PGGT1B: variants seen among roughly 807,000 people sequenced by gnomAD.
The protein encoded by PGGT1B is protein geranylgeranyltransferase type I subunit beta, also known as geranylgeranyl transferase type-1 subunit beta.
PGGT1B carries 30 observed loss-of-function variants against 46.1 expected under a neutral mutation model. The ratio of observed to expected loss-of-function variants is 0.65; its 90% confidence interval spans 0.49 to 0.88. PGGT1B has a LOEUF of 0.88. PGGT1B is among the 40% of genes least tolerant of loss of function. PGGT1B has a pLI of 0.00. For synonymous variants in PGGT1B, 170 were observed against 160.0 expected, an observed-to-expected ratio of 1.06 and a Z score of -0.47; for missense variants, 376 against 455.9, an observed-to-expected ratio of 0.82 and a Z score of 1.60.
At chr5:115,247,007 A>G (rs1218673734) in intron 2 of PGGT1B, among the ~76,000 whole-genome samples, 1 of 152,068 alleles carries the variant, frequency 6.6e-6, no homozygotes, top group Non-Finnish European at 1.5e-5. Flanking sequence ...GTGTTATTAG[A>G]AAATATAATG....
At chr5:115,244,530 C>T (rs2127019637) in intron 2 of PGGT1B, among the ~76,000 whole-genome samples, 1 of 133,366 alleles carries the variant, frequency 7.5e-6, no homozygotes, top group East Asian at 2.3e-4. Context: ...CCAAATTGTA[C>T]ATAATGCTAT....
At chr5:115,237,391 C>T (rs1056328471) in intron 4 of PGGT1B, among the ~76,000 whole-genome samples, 2 of 152,040 alleles carry the variant, frequency 1.3e-5, no homozygotes, top group Non-Finnish European at 2.9e-5. Context: ...ATGTGAATCA[C>T]CAAATATCAA....
chr5:115,220,949 AT>A, intron 7 of PGGT1B, among the ~76,000 whole-genome samples: 1 of 152,002 alleles, frequency 6.6e-6, no homozygotes, highest in Non-Finnish European at 1.5e-5. Context: ...AGACTGGTTG[AT>A]GGACACATGG....
rs775683904 is a variant in PGGT1B, at chr5:115,262,869, G to C, written c.-18C>G. ...GCCGCCATGCTGCTCCGGAAGCGAC[G>C]TCCGCCGCGACCCGGAATCAGTGCC... On this transcript the variant is annotated 5_prime_UTR_variant, in exon 1 of 9. Transcript: ENST00000419445. The C allele has an allele frequency of 6.2e-6, 10 of 1,610,836 alleles. No individual in the cohort carries two copies. Among genetic ancestry groups the C allele is most frequent in the Non-Finnish European group, 8.5e-7 (1 of 1,179,202 alleles).
rs770806530 is a variant in PGGT1B at position 115,253,126 on chromosome 5, AACTC to A, written c.259+7_259+10del. The A allele has an allele frequency of 2.5e-6, 4 of 1,597,970 alleles. No individual in the cohort carries two copies. The highest frequency in any genetic ancestry group is 3.4e-6 in the Non-Finnish European group (4 of 1,174,552). ...GTCACACTAAAAATAAAATGCTAAA[AACTC>A]ACTCACTGTCTTCTGTGGGAAGGAC... On this transcript the variant is annotated splice_region_variant and intron_variant, in intron 2 of 8. Coordinates refer to ENST00000419445, the MANE Select transcript of PGGT1B (RefSeq NM_005023.4).
rs17132480 is a variant in PGGT1B, at chr5:115,210,419, G to T, written c.*1983C>A. 1 of 152,010 alleles carries T rather than the reference G, an allele frequency of 6.6e-6. No homozygotes were observed. The highest frequency in any genetic ancestry group is 2.1e-4 in the South Asian group (1 of 4,832). 9.4% of individuals were successfully genotyped at this position (152,010 alleles called of 1,614,324 possible). On this transcript the variant is annotated 3_prime_UTR_variant, in exon 9 of 9. Transcript: ENST00000419445. ...ATAGTTTCTCCACAATTCACACTGG[G>T]CTGCTATTTTCTGGTCAATTCAGTT...
intron 2 of PGGT1B, among the ~76,000 whole-genome samples, chr5:115,249,175 T>A (rs1580775456): frequency 6.6e-6 from 1 of 152,130 alleles, no homozygotes; most frequent in East Asian, 1.9e-4. Flanking sequence ...TTTCTATGTA[T>A]CCTTTCTGAG....
intron 8 of PGGT1B, among the ~76,000 whole-genome samples, chr5:115,213,625 A>G (rs1022865289): frequency 2.0e-4 from 30 of 152,194 alleles, no homozygotes; most frequent in African/African-American, 6.7e-4. Context: ...TACAAAAATT[A>G]CCAGGTATGG....
At chr5:115,236,595 AC>A in intron 4 of PGGT1B, 73 bp from the exon 5 acceptor site, 1 of 904,798 alleles carries the variant, frequency 1.1e-6, no homozygotes. Flanking sequence ...GGTTAGAAAC[AC>A]CTCCTGCTTG....
Position 115,209,217 on chromosome 5 carries a change from C to T in PGGT1B, c.*3185G>A, listed in dbSNP as rs1756150450. 1 of 152,064 alleles carries T rather than the reference C, an allele frequency of 6.6e-6. No individual in the cohort carries two copies. Among genetic ancestry groups the T allele is most frequent in the Non-Finnish European group, 1.5e-5 (1 of 68,032 alleles). 9.4% of individuals were successfully genotyped at this position (152,064 alleles called of 1,614,324 possible). A position where few individuals can be genotyped will look rare whatever the true frequency, so the allele number is the denominator to read the frequency against. On this transcript the variant is annotated 3_prime_UTR_variant, in exon 9 of 9. Transcript: ENST00000419445. Reference sequence around the variant, plus strand: ...CTTCTTTCCTTTGTCCTATTTTACCCATCCTGCCCATTTGGATTCTAATTC... The same window carrying T: ...CTTCTTTCCTTTGTCCTATTTTACCTATCCTGCCCATTTGGATTCTAATTC...
rs1216700345 is a variant in PGGT1B at position 115,239,341 on chromosome 5, G to C, written c.328-1332C>G. Among the ~76,000 whole-genome samples the C allele has an allele frequency of 2.0e-5, 3 of 152,110 alleles. No individual in the cohort carries two copies. In the South Asian group the frequency reaches 6.2e-4, roughly 32 times the overall value. ...TTGCAGGTGTGAGCCACTGTGCCTG[G>C]CCAGATATGCAGTTCTTTATATGGT... is the stretch of plus-strand genomic sequence containing the variant. On this transcript the variant is annotated intron_variant, in intron 3 of 8. Transcript: ENST00000419445.
chr5:115,234,757 A>G (rs932496073), intron 5 of PGGT1B, among the ~76,000 whole-genome samples: 1 of 152,174 alleles, frequency 6.6e-6, no homozygotes, highest in African/African-American at 2.4e-5. Context: ...GGAGTCATAA[A>G]TGAAAGGACG....
intron 3 of PGGT1B, among the ~76,000 whole-genome samples, 175 bp from the exon 4 acceptor site, chr5:115,238,184 T>C (rs566310339): frequency 2.6e-5 from 4 of 152,038 alleles, no homozygotes; most frequent in African/African-American, 7.2e-5. Flanking sequence ...TCAATATGAA[T>C]ATGATTGCAC....
At position 115,243,762 on chromosome 5, in the gene PGGT1B, G is replaced by A. The variant is rs573423088; in HGVS notation, c.260-2156C>T. ...GCCTCCAAGCTCATTCAGGATGCTG[G>A]CAGAATCAACTTCCTTGCAGTTGTG... On this transcript the variant is annotated intron_variant, in intron 2 of 8. Transcript: ENST00000419445. Among the ~76,000 whole-genome samples, 4 of 152,254 alleles carry A rather than the reference G, an allele frequency of 2.6e-5. No individual in the cohort carries two copies. In the South Asian group the frequency reaches 8.3e-4, roughly 32 times the overall value.
Position 115,207,859 on chromosome 5 carries a change from T to G in PGGT1B, c.*4543A>C, listed in dbSNP as rs1312508436. 2.0e-5 allele frequency: 3 copies of G among 152,106 alleles called. No homozygotes were observed. The highest frequency in any genetic ancestry group is 2.9e-5 in the Non-Finnish European group (2 of 67,966). 9.4% of individuals were successfully genotyped at this position (152,106 alleles called of 1,614,324 possible). The stretch of plus-strand genomic sequence containing the variant: ...TGTTCCTGACTTCAGCTGGAAAGTC[T>G]CCTTTGCTTTGAAATTTAAGATGCT... On this transcript the variant is annotated 3_prime_UTR_variant, in exon 9 of 9. Coordinates refer to ENST00000419445, the MANE Select transcript of PGGT1B (RefSeq NM_005023.4).
chr5:115,257,408 G>A (rs896596601), intron 1 of PGGT1B, among the ~76,000 whole-genome samples: 10 of 151,982 alleles, frequency 6.6e-5, no homozygotes, highest in African/African-American at 2.4e-4. Flanking sequence ...CAGCTACTAG[G>A]GAGGCTGAGG....
intron 3 of PGGT1B, among the ~76,000 whole-genome samples, chr5:115,241,191 A>T (rs75133548): frequency 2.3e-4 from 35 of 152,318 alleles, no homozygotes; most frequent in African/African-American, 8.4e-4. Context: ...CACAGCAGGT[A>T]TCAAAACACT....
At chr5:115,214,947 T>C (rs960151495) in intron 8 of PGGT1B, among the ~76,000 whole-genome samples, 1 of 152,222 alleles carries the variant, frequency 6.6e-6, no homozygotes, top group Non-Finnish European at 1.5e-5. Flanking sequence ...AAGACACACT[T>C]TGGCTTACGA....
chr5:115,233,217 T>A (rs894613696), intron 5 of PGGT1B, among the ~76,000 whole-genome samples: 1 of 151,602 alleles, frequency 6.6e-6, no homozygotes, highest in South Asian at 2.1e-4. Context: ...CACACTCAAA[T>A]ACATACCCTC....
Sources: allele counts gnomAD v4.1 joint callset (sites outside exome capture counted in the v4.1 genomes callset), GRCh38; gene constraint gnomAD v4.1.1; transcripts MANE v1.5; gene names NCBI Gene and HGNC (gene_info 2026-07-23, HGNC 2026-07-21).